NDUFB3: variants seen among roughly 807,000 people sequenced by gnomAD.
NDUFB3 encodes the protein NADH dehydrogenase [ubiquinone] 1 beta subcomplex subunit 3.
Under a neutral mutation model 9.0 loss-of-function variants are expected in NDUFB3, and 7 were observed. That is an observed-to-expected ratio of 0.78 (90% CI 0.44 to 1.46). The LOEUF (loss-of-function observed/expected upper bound fraction) is 1.46, where lower values mean the gene tolerates loss of function less well. Ranked by LOEUF, NDUFB3 falls within the 40% of genes most tolerant of loss-of-function variation. The pLI, the probability that NDUFB3 is intolerant of heterozygous loss-of-function variation, is 0.01. For synonymous variants in NDUFB3, 29 were observed against 38.5 expected, an observed-to-expected ratio of 0.75 and a Z score of 0.91; for missense variants, 93 against 115.4, an observed-to-expected ratio of 0.81 and a Z score of 0.89.
At chr2:201,084,824 G>T (rs199854050) in intron 2 of NDUFB3, among the ~76,000 whole-genome samples, 1 of 151,936 alleles carries the variant, frequency 6.6e-6, no homozygotes, top group Non-Finnish European at 1.5e-5. Context: ...TCATTGGCTT[G>T]TCCTTATCAG....
intron 2 of NDUFB3, among the ~76,000 whole-genome samples, chr2:201,081,903 C>T (rs1420061262): frequency 6.6e-6 from 1 of 151,760 alleles, no homozygotes; most frequent in Non-Finnish European, 1.5e-5. Context: ...GCAAGCTCCG[C>T]CTCCTGGGTT....
chr2:201,084,906 G>A (rs781677457), intron 2 of NDUFB3, among the ~76,000 whole-genome samples: 2 of 152,110 alleles, frequency 1.3e-5, no homozygotes, highest in Non-Finnish European at 2.9e-5. Context: ...CTTTTGAATA[G>A]TAACAGTAAT....
rs558603608 is a variant in NDUFB3 at position 201,076,866 on chromosome 2, G to A, written c.-2-2015G>A. 6.6e-5 allele frequency among the ~76,000 whole-genome samples: 10 copies of A among 152,084 alleles called. No homozygotes were observed. In the South Asian group the frequency reaches 1.5e-3, roughly 22 times the overall value. On this transcript the variant is annotated intron_variant, in intron 1 of 2. Coordinates refer to ENST00000237889, the MANE Select transcript of NDUFB3 (RefSeq NM_002491.3). ...CTGTAATCCCAGCACTTTGGGAGGC[G>A]GAGGCGGGCAGATCACCTGAGGTCA...
chr2:201,078,495 T>A (rs1366215563), intron 1 of NDUFB3, among the ~76,000 whole-genome samples: 1 of 152,196 alleles, frequency 6.6e-6, no homozygotes, highest in Admixed American at 6.5e-5. Flanking sequence ...GTAATGGAGT[T>A]AATACACATA....
At chr2:201,078,146 C>T (rs1389730490) in intron 1 of NDUFB3, among the ~76,000 whole-genome samples, 12 of 152,014 alleles carry the variant, frequency 7.9e-5, no homozygotes, top group African/African-American at 2.9e-4. Context: ...ACTAAAATTA[C>T]AAAAAATTAG....
At chr2:201,081,046 C>T (rs930331382) in intron 2 of NDUFB3, among the ~76,000 whole-genome samples, 1 of 152,030 alleles carries the variant, frequency 6.6e-6, no homozygotes, top group Non-Finnish European at 1.5e-5. Context: ...ATTCTAGGTC[C>T]TTTGCTTTTA....
intron 1 of NDUFB3, among the ~76,000 whole-genome samples, chr2:201,076,781 CCTCT>C (rs1418928705): frequency 6.6e-6 from 1 of 151,438 alleles, no homozygotes. Context: ...TTAATAATTA[CCTCT>C]CTCTTCTGAG....
intron 2 of NDUFB3, 145 bp from the exon 3 acceptor site, chr2:201,085,314 C>T (rs558599441): frequency 3.7e-6 from 2 of 547,504 alleles, no homozygotes; most frequent in Non-Finnish European, 6.1e-6. Flanking sequence ...TATCCTATGC[C>T]ACAGAAAGAT....
chr2:201,083,351 CTTTT>C (rs748310803), intron 2 of NDUFB3, among the ~76,000 whole-genome samples: 2 of 119,982 alleles, frequency 1.7e-5, no homozygotes, highest in Non-Finnish European at 1.7e-5. Flanking sequence ...TTTATTATTT[CTTTT>C]TTTTTTTTTT....
chr2:201,083,924 G>A (rs1395935857), intron 2 of NDUFB3, among the ~76,000 whole-genome samples: 1 of 152,176 alleles, frequency 6.6e-6, no homozygotes, highest in African/African-American at 2.4e-5. Context: ...GGGAAGCCAA[G>A]GCAGGCGGAT....
At chr2:201,082,946 C>T (rs1241104896) in intron 2 of NDUFB3, among the ~76,000 whole-genome samples, 1 of 151,656 alleles carries the variant, frequency 6.6e-6, no homozygotes, top group Admixed American at 6.6e-5. Flanking sequence ...ATCTCCTGAC[C>T]TCATGATCCA....
At chr2:201,080,352 T>G (rs1413880951) in intron 2 of NDUFB3, among the ~76,000 whole-genome samples, 1 of 152,156 alleles carries the variant, frequency 6.6e-6, no homozygotes. Context: ...GCGGATCGCT[T>G]GAGCCCAGGA....
intron 1 of NDUFB3, among the ~76,000 whole-genome samples, chr2:201,076,869 G>A (rs148157524): frequency 0.011 from 1,721 of 152,268 alleles, 13 homozygotes; most frequent in Middle Eastern, 0.058. Flanking sequence ...GGGAGGCGGA[G>A]GCGGGCAGAT....
intron 1 of NDUFB3, among the ~76,000 whole-genome samples, chr2:201,078,276 T>TGAGCGACA (rs1354653157): frequency 1.3e-5 from 2 of 152,172 alleles, no homozygotes; most frequent in African/African-American, 2.4e-5. Flanking sequence ...CACTCCAGCC[T>TGAGCGACA]GAGCGACAGA....
intron 1 of NDUFB3, among the ~76,000 whole-genome samples, chr2:201,078,161 G>A (rs945493643): frequency 2.6e-5 from 4 of 152,112 alleles, no homozygotes; most frequent in Non-Finnish European, 4.4e-5. Context: ...AATTAGCCGG[G>A]CGTGGTGGCG....
At chr2:201,082,762 G>A (rs573231765) in intron 2 of NDUFB3, among the ~76,000 whole-genome samples, 6 of 140,626 alleles carry the variant, frequency 4.3e-5, no homozygotes, top group Admixed American at 3.7e-4. Context: ...GCCGGACTGC[G>A]GACTGCAGTG....
chr2:201,078,045 G>T (rs2047183863), intron 1 of NDUFB3, among the ~76,000 whole-genome samples: 3 of 151,750 alleles, frequency 2.0e-5, no homozygotes, highest in African/African-American at 7.3e-5. Context: ...GCTCACACTT[G>T]TAATCCCAGC....
rs1471280863 is a variant in NDUFB3 at position 201,079,137 on chromosome 2, G to GT, written c.140+123dup. On this transcript the variant is annotated intron_variant, in intron 2 of 2. Coordinates refer to ENST00000237889, the MANE Select transcript of NDUFB3 (RefSeq NM_002491.3). Reference sequence around the variant, plus strand: ...GAAAAATGGCTTTTTACTTTAAAGGGTTTTTTTTGGTTTTTGTTTTGTTTT... The same window carrying GT: ...GAAAAATGGCTTTTTACTTTAAAGGGTTTTTTTTTGGTTTTTGTTTTGTTTT... 1.3e-4 allele frequency: 157 copies of GT among 1,181,102 alleles called. 1 individual carries two copies. Among genetic ancestry groups the GT allele is most frequent in the Middle Eastern group, 2.6e-4 (1 of 3,830 alleles). The allele number at this position is 1,181,102 out of a possible 1,614,324, so 73.2% of individuals were successfully genotyped here.
intron 2 of NDUFB3, among the ~76,000 whole-genome samples, chr2:201,083,009 G>A (rs149206908): frequency 0.012 from 1,798 of 152,184 alleles, 18 homozygotes; most frequent in South Asian, 0.018. Context: ...CACCGCGCCC[G>A]GCCGCTAAAT....
Sources: gnomAD v4.1 joint callset for allele counts (sites outside exome capture counted in the v4.1 genomes callset) on GRCh38, gnomAD v4.1.1 for gene constraint, MANE v1.5 for transcripts, NCBI Gene and HGNC (gene_info 2026-07-23, HGNC 2026-07-21) for gene names.